SASH1: variants seen among roughly 807,000 people sequenced by gnomAD.
SASH1 encodes SAM and SH3 domain-containing protein 1.
Under a neutral mutation model 125.2 loss-of-function variants are expected in SASH1, and 44 were observed. The observed-to-expected ratio is 0.35, with a 90% confidence interval of 0.28 to 0.45. SASH1 has a LOEUF of 0.45. SASH1 is among the 20% of genes least tolerant of loss of function. The pLI is 1.00. For synonymous variants in SASH1, 639 were observed against 649.1 expected (o/e 0.98, Z 0.24); for missense variants, 1,426 against 1,614.5 (o/e 0.88, Z 2.00).
At chr6:148,231,724 G>A in the SASH1 span, among the ~76,000 whole-genome samples, 9 of 151,846 alleles carry the variant, frequency 5.9e-5, no homozygotes, top group South Asian at 4.2e-4. Flanking sequence ...GTATAAGGAC[G>A]ACCTTTAATA....
chr6:148,438,756 A>G (rs1583160795), intron 2 of SASH1, among the ~76,000 whole-genome samples: 3 of 116,628 alleles, frequency 2.6e-5, no homozygotes, highest in Admixed American at 8.6e-5. Flanking sequence ...ACCAAAACAA[A>G]CAAAAAAAAA....
At chr6:148,490,776 A>T (rs1206027132) in intron 8 of SASH1, among the ~76,000 whole-genome samples, 1 of 151,940 alleles carries the variant, frequency 6.6e-6, no homozygotes, top group Admixed American at 6.6e-5. Context: ...GATAAATTCC[A>T]CCCTTCTTGG....
At chr6:148,393,794 T>C in intron 2 of SASH1, 2 of 876,320 alleles carry the variant, frequency 2.3e-6, no homozygotes, top group Non-Finnish European at 2.7e-6. Context: ...TGATGGGAGC[T>C]GATTCAAGCC....
intron 1 of SASH1, among the ~76,000 whole-genome samples, chr6:148,387,169 G>T (rs1484022088): frequency 7.3e-6 from 1 of 136,470 alleles, no homozygotes; most frequent in East Asian, 2.3e-4. Context: ...CCAGGCTAGA[G>T]TGCAGTGGCG....
chr6:148,258,178 C>T, the SASH1 span, among the ~76,000 whole-genome samples: 14 of 152,088 alleles, frequency 9.2e-5, no homozygotes, highest in East Asian at 1.2e-3. Flanking sequence ...CTTAGGCTCC[C>T]GAGGAATTAT....
intron 9 of SASH1, among the ~76,000 whole-genome samples, chr6:148,516,834 C>T (rs574693829): frequency 6.6e-6 from 1 of 152,246 alleles, no homozygotes; most frequent in East Asian, 1.9e-4. Context: ...AGCCTGTTCT[C>T]ACTCCGCTGC....
chr6:148,194,070 T>G, the SASH1 span, among the ~76,000 whole-genome samples: 1 of 152,254 alleles, frequency 6.6e-6, no homozygotes, highest in East Asian at 1.9e-4. Flanking sequence ...AAAGGAGGAT[T>G]CTAATGTCTA....
In SASH1 at chr6:148,512,875, G is replaced by T. The variant is rs964832454; in HGVS notation, c.730-1449G>T. The T allele has an allele frequency of 3.3e-5, 33 of 985,148 alleles. No individual in the cohort carries two copies. The African/African-American group carries it at 5.1e-4, about 15-fold the overall frequency. The allele number at this position is 985,148 out of a possible 1,614,324, so 61.0% of individuals were successfully genotyped here. A position where few individuals can be genotyped will look rare whatever the true frequency, so the allele number is the denominator to read the frequency against. ...ATGACTTGCTGATGTTAGGTTTATAGTTAACCATAAGTGGGTAAACGGTTT... is the reference window on the plus strand; with the variant it reads ...ATGACTTGCTGATGTTAGGTTTATATTTAACCATAAGTGGGTAAACGGTTT... On this transcript the variant is annotated intron_variant, in intron 8 of 19. Transcript: ENST00000367467.
rs1336006571 is a variant in SASH1 at position 148,519,846 on chromosome 6, C to G, written c.1162C>G (p.Leu388Val). Residue 388 changes from leucine (L) to valine (V), a missense_variant, in exon 10 of 20, where the codon CTC becomes GTC. Physicochemically the swap from Leu to Val is conservative, Grantham distance 32. Around this residue, in one of 3 missense-constraint regions of SASH1, gnomAD observed 567 missense variants for 575.6 expected, o/e 0.99. Transcript: ENST00000367467. The surrounding 1 kb of genome is among the most constrained non-coding windows in gnomAD (Gnocchi z 4.8). The part of the protein sequence containing the change: ...EEKAQKVSRS[L>V]TEGEMKKGLG... ...AAAGGCCCAGAAAGTGTCCCGCTCC[C>G]TCACCGAGGGGGAGATGAAGAAGGG... is the stretch of plus-strand genomic sequence containing the variant. The G allele has an allele frequency of 6.2e-7, 1 of 1,606,048 alleles. No homozygotes were observed. The highest frequency in any genetic ancestry group is 2.2e-5 in the East Asian group (1 of 44,472).
rs34513109 is a variant in SASH1, at chr6:148,302,341, A to AAAAAAAAAAAAAAAAT, written n.74+29964_74+29965insAAAAAAAAAAAAAAAT. ...AAAAAAAAAAAAAAAAAAAAAAAAA[A>AAAAAAAAAAAAAAAAT]CTAGTAATATTATGACCTTGGTTAA... On this transcript the variant is annotated intron_variant and non_coding_transcript_variant, in intron 1 of 3. Coordinates refer to the SASH1 transcript ENST00000367469. Among the ~76,000 whole-genome samples the AAAAAAAAAAAAAAAAT allele has an allele frequency of 1.7e-3, 176 of 104,442 alleles. 40 individuals are homozygous for AAAAAAAAAAAAAAAAT. The highest frequency in any genetic ancestry group is 0.012 in the East Asian group (32 of 2,566). The allele number at this position is 104,442 out of a possible 152,430, so 68.5% of individuals were successfully genotyped here.
At chr6:148,416,958 G>T (rs1416774466) in intron 2 of SASH1, among the ~76,000 whole-genome samples, 1 of 152,180 alleles carries the variant, frequency 6.6e-6, no homozygotes, top group East Asian at 1.9e-4. Context: ...AGCAGCAGGT[G>T]ATGGGGACCC....
rs943739314 is a variant in SASH1 at position 148,319,072 on chromosome 6, G to C, written n.74+46695G>C. 4.4e-5 allele frequency among the ~76,000 whole-genome samples: 5 copies of C among 112,550 alleles called. No individual in the cohort carries two copies. In the South Asian group the frequency reaches 9.1e-4, roughly 20 times the overall value. 73.8% of individuals were successfully genotyped at this position (112,550 alleles called of 152,430 possible). On this transcript the variant is annotated intron_variant and non_coding_transcript_variant, in intron 1 of 3. Transcript: ENST00000367469. ...TTTTGAGACGGAGTCTGGCTCTGTA[G>C]CCCAGGCTGGAGTGCAGTGGCGCGA...
At chr6:148,233,547 T>C in the SASH1 span, among the ~76,000 whole-genome samples, 2 of 151,968 alleles carry the variant, frequency 1.3e-5, no homozygotes, top group African/African-American at 4.8e-5. Flanking sequence ...TTCATGGTGC[T>C]TACAGAGAAG....
the SASH1 span, among the ~76,000 whole-genome samples, chr6:148,209,141 C>T: frequency 6.6e-6 from 1 of 152,224 alleles, no homozygotes; most frequent in African/African-American, 2.4e-5. Context: ...ACTAATAGAA[C>T]TTAATGTGCC....
chr6:148,201,640 A>G, the SASH1 span, among the ~76,000 whole-genome samples: 1 of 152,156 alleles, frequency 6.6e-6, no homozygotes, highest in African/African-American at 2.4e-5. Flanking sequence ...GTAATCCAGA[A>G]TGCTTTCCTT....
At chr6:148,261,662 C>A in the SASH1 span, among the ~76,000 whole-genome samples, 1 of 152,264 alleles carries the variant, frequency 6.6e-6, no homozygotes, top group East Asian at 1.9e-4. Context: ...CAGCCCATAT[C>A]TTTGGGGCTC....
intron 1 of SASH1, among the ~76,000 whole-genome samples, chr6:148,349,252 C>CTTTTTTTTTT (rs11317386): frequency 3.6e-3 from 169 of 47,052 alleles, no homozygotes; most frequent in Non-Finnish European, 4.5e-3. Flanking sequence ...TTCTTTCTTT[C>CTTTTTTTTTT]TTTTTTTTTT....
intron 2 of SASH1, among the ~76,000 whole-genome samples, chr6:148,404,702 C>A (rs1282605984): frequency 9.3e-6 from 1 of 107,122 alleles, no homozygotes; most frequent in East Asian, 3.0e-4. Context: ...CCACCACCTG[C>A]CCCCCAAGCC....
chr6:148,345,011 C>A lies in SASH1; in HGVS notation c.156+1788C>A, dbSNP rs1334960159. Among the ~76,000 whole-genome samples, 3 of 152,314 alleles carry A rather than the reference C, an allele frequency of 2.0e-5. No individual in the cohort carries two copies. In the East Asian group the frequency reaches 5.8e-4, roughly 29 times the overall value. On this transcript the variant is annotated intron_variant, in intron 1 of 19. Transcript: ENST00000367467. ...CCTTGTGATCTGCCCACCTCGGCCT[C>A]CCAAAGTGCTGGGATTACAGGCGTG...
Sources: allele counts gnomAD v4.1 joint callset (sites outside exome capture counted in the v4.1 genomes callset), GRCh38; gene constraint gnomAD v4.1.1; regional missense constraint gnomAD v4.1.1; non-coding constraint Gnocchi (gnomAD v3.1); transcripts MANE v1.5; gene names NCBI Gene and HGNC (gene_info 2026-07-23, HGNC 2026-07-21).